PCP4: variants seen among roughly 807,000 people sequenced by gnomAD.
PCP4 encodes calmodulin regulator protein PCP4.
Under a neutral mutation model 10.0 loss-of-function variants are expected in PCP4, and 8 were observed. The observed-to-expected ratio is 0.80, with a 90% CI of 0.47 to 1.45. The LOEUF is 1.45. PCP4 is among the 40% of genes most tolerant of loss of function. The pLI is 0.00. For synonymous variants in PCP4, 21 were observed against 23.0 expected, an observed-to-expected ratio of 0.91 and a Z score of 0.24; for missense variants, 54 against 74.4, an observed-to-expected ratio of 0.73 and a Z score of 1.01.
At position 39,886,800 on chromosome 21, in the gene PCP4, GTGGT is replaced by G. The variant is rs770063470; in HGVS notation, c.10-11670_10-11667del. On this transcript the variant is annotated intron_variant, in intron 1 of 2. Transcript: ENST00000328619. ...CTTTATGAAATTATATATATGGCAT[GTGGT>G]TGGTTTTATAAAAGAGAGACTATAT... is the stretch of plus-strand genomic sequence containing the variant. Among the ~76,000 whole-genome samples, 44 of 152,204 alleles carry G rather than the reference GTGGT, an allele frequency of 2.9e-4. 1 individual carries two copies. Among genetic ancestry groups the G allele is most frequent in the South Asian group, 1.0e-3 (5 of 4,836 alleles).
chr21:39,874,450 A>G (rs990173668), intron 1 of PCP4, among the ~76,000 whole-genome samples: 2 of 152,238 alleles, frequency 1.3e-5, no homozygotes, highest in African/African-American at 2.4e-5. Flanking sequence ...AGACACAGTC[A>G]TCTGTTCCCG....
chr21:39,890,258 T>C (rs2087423209), intron 1 of PCP4, among the ~76,000 whole-genome samples: 1 of 152,218 alleles, frequency 6.6e-6, no homozygotes. Flanking sequence ...CAGGGAGACA[T>C]AGTGACTAGA....
intron 1 of PCP4, among the ~76,000 whole-genome samples, chr21:39,897,938 T>C (rs112702695): frequency 0.024 from 3,582 of 146,810 alleles, 70 homozygotes; most frequent in Non-Finnish European, 0.038. Flanking sequence ...CCCAGCCACC[T>C]GGGAGGCTGA....
At chr21:39,907,492 A>G (rs1019405747) in intron 2 of PCP4, among the ~76,000 whole-genome samples, 1 of 152,176 alleles carries the variant, frequency 6.6e-6, no homozygotes, top group Non-Finnish European at 1.5e-5. Context: ...GCAACTTTGC[A>G]GAGACTAGTA....
chr21:39,885,741 A>G (rs1430411248), intron 1 of PCP4, among the ~76,000 whole-genome samples: 1 of 152,230 alleles, frequency 6.6e-6, no homozygotes, highest in Non-Finnish European at 1.5e-5. Context: ...CAGGCCCCAG[A>G]GCCTGGGAGC....
intron 2 of PCP4, among the ~76,000 whole-genome samples, chr21:39,905,365 C>G (rs2087501900): frequency 6.6e-6 from 1 of 152,178 alleles, no homozygotes. Context: ...AATGGACACA[C>G]AAAGCTGCTT....
intron 2 of PCP4, among the ~76,000 whole-genome samples, chr21:39,919,881 T>G (rs2087586674): frequency 6.7e-6 from 1 of 149,620 alleles, no homozygotes; most frequent in Non-Finnish European, 1.5e-5. Context: ...TATGAGTGCG[T>G]GTGGTGAGGG....
At chr21:39,881,307 G>C (rs2087374506) in intron 1 of PCP4, among the ~76,000 whole-genome samples, 1 of 152,150 alleles carries the variant, frequency 6.6e-6, no homozygotes, top group African/African-American at 2.4e-5. Context: ...GGCACTCACT[G>C]TTAGAGAAAC....
chr21:39,888,577 A>C (rs1294408558), intron 1 of PCP4, among the ~76,000 whole-genome samples: 1 of 152,166 alleles, frequency 6.6e-6, no homozygotes, highest in Non-Finnish European at 1.5e-5. Context: ...AGTGGTTGGC[A>C]CACCTCCCTC....
At chr21:39,877,231 A>G (rs1429380341) in intron 1 of PCP4, among the ~76,000 whole-genome samples, 1 of 152,202 alleles carries the variant, frequency 6.6e-6, no homozygotes, top group African/African-American at 2.4e-5. Context: ...TTGAGTAAAA[A>G]AAGAACAGCC....
intron 1 of PCP4, among the ~76,000 whole-genome samples, chr21:39,885,062 A>T (rs1264839636): frequency 6.6e-6 from 1 of 152,234 alleles, no homozygotes. Context: ...TAGCTGAAGT[A>T]TAGAAAAGTA....
intron 2 of PCP4, among the ~76,000 whole-genome samples, chr21:39,920,941 C>A (rs1052185034): frequency 2.0e-5 from 3 of 152,224 alleles, no homozygotes; most frequent in African/African-American, 7.2e-5. Context: ...ACCTGACAAT[C>A]TTACCTCACA....
intron 2 of PCP4, among the ~76,000 whole-genome samples, chr21:39,904,003 T>C (rs2087494940): frequency 6.6e-6 from 1 of 151,144 alleles, no homozygotes; most frequent in Admixed American, 6.6e-5. Flanking sequence ...TCCCAAACCA[T>C]AAAAGTTTAA....
chr21:39,899,847 G>T (rs1045340638), intron 2 of PCP4, among the ~76,000 whole-genome samples: 1 of 152,108 alleles, frequency 6.6e-6, no homozygotes, highest in Non-Finnish European at 1.5e-5. Context: ...CAATATTGTA[G>T]TTGCCTATAT....
chr21:39,917,038 T>A lies in PCP4; in HGVS notation c.62-11946T>A, dbSNP rs375232991. Among the ~76,000 whole-genome samples, 130 of 152,242 alleles carry A rather than the reference T, an allele frequency of 8.5e-4. 3 individuals are homozygous for A. The South Asian group carries it at 0.025, about 29-fold the overall frequency. On this transcript the variant is annotated intron_variant, in intron 2 of 2. Coordinates refer to ENST00000328619, the MANE Select transcript of PCP4 (RefSeq NM_006198.3). ...GTGAAGCAGATCACCATGGCACACG[T>A]TTACCTATGTAACAAACCTGCACAT...
At chr21:39,898,585 T>G in intron 2 of PCP4, 58 bp downstream of exon 2, 2 of 1,327,812 alleles carry the variant, frequency 1.5e-6, no homozygotes, top group Non-Finnish European at 2.2e-6. Flanking sequence ...GCCCTGGGTA[T>G]GCAGCAGGTG....
Position 39,888,416 on chromosome 21 carries a change from T to C in PCP4, c.10-10060T>C, listed in dbSNP as rs373008264. On this transcript the variant is annotated intron_variant, in intron 1 of 2. Transcript: ENST00000328619. ...TGGCTGTTGTGGTAAACGCTGTCAC[T>C]GATGGATAAGTGGGGGGAGCGTGGC... 2.3e-3 allele frequency among the ~76,000 whole-genome samples: 355 copies of C among 152,352 alleles called. 2 individuals carry two copies. The highest frequency in any genetic ancestry group is 8.0e-3 in the African/African-American group (332 of 41,580).
intron 2 of PCP4, among the ~76,000 whole-genome samples, chr21:39,920,274 TGTAGTGTGTGTG>T (rs2087590306): frequency 3.9e-5 from 5 of 126,600 alleles, no homozygotes; most frequent in Admixed American, 7.9e-5. Flanking sequence ...GTGTGTGTGG[TGTAGTGTGTGTG>T]GTGTGTGTGT....
At chr21:39,897,903 G>A (rs150520951) in intron 1 of PCP4, among the ~76,000 whole-genome samples, 15 of 151,946 alleles carry the variant, frequency 9.9e-5, no homozygotes, top group African/African-American at 2.4e-4. Context: ...AAAATTAGCC[G>A]TACGTGGTCG....
Sources: allele counts gnomAD v4.1 joint callset (sites outside exome capture counted in the v4.1 genomes callset), GRCh38; gene constraint gnomAD v4.1.1; transcripts MANE v1.5; gene names NCBI Gene and HGNC (gene_info 2026-07-23, HGNC 2026-07-21).